PFDN4: variants seen among roughly 807,000 people sequenced by gnomAD.
PFDN4 encodes the protein prefoldin 4.
PFDN4 carries 6 observed loss-of-function variants against 17.6 expected under a neutral mutation model. The ratio of observed to expected loss-of-function variants is 0.34; its 90% CI spans 0.19 to 0.67. The LOEUF (loss-of-function observed/expected upper bound fraction) is 0.67. Ranked by LOEUF, PFDN4 falls within the 30% of genes least tolerant of loss-of-function variation. The pLI, the probability that PFDN4 is intolerant of heterozygous loss-of-function variation, is 0.68. For missense variants in PFDN4, 119 were observed against 158.4 expected (o/e 0.75, Z 1.33); for synonymous variants, 48 against 51.1 (o/e 0.94, Z 0.26).
Position 54,208,504 on chromosome 20 carries a change from T to G in PFDN4, c.24+380T>G, listed in dbSNP as rs192379121. On this transcript the variant is annotated intron_variant, in intron 1 of 3. Transcript: ENST00000371419. ...CCTTGACTCGGGCGTTGCACCGGCA[T>G]GATCGCATTAGCCTCACTGGTTATG... The G allele has an allele frequency of 4.4e-3, 954 of 217,476 alleles. 10 individuals are homozygous for G. Among genetic ancestry groups the G allele is most frequent in the African/African-American group, 0.024 (861 of 35,394 alleles). The allele number at this position is 217,476 out of a possible 1,614,324, so 13.5% of individuals were successfully genotyped here. A position where few individuals can be genotyped will look rare whatever the true frequency, so the allele number is the denominator to read the frequency against.
At chr20:54,215,701 T>C (rs2092761612) in intron 3 of PFDN4, among the ~76,000 whole-genome samples, 1 of 152,248 alleles carries the variant, frequency 6.6e-6, no homozygotes, top group African/African-American at 2.4e-5. Flanking sequence ...GTCTTCTGAC[T>C]CCAGAACCTT....
At chr20:54,209,651 G>C (rs969787309) in intron 1 of PFDN4, among the ~76,000 whole-genome samples, 3 of 152,188 alleles carry the variant, frequency 2.0e-5, no homozygotes, top group African/African-American at 7.2e-5. Context: ...GGTTCACTCC[G>C]TTTTATAGGT....
intron 1 of PFDN4, among the ~76,000 whole-genome samples, chr20:54,212,843 G>A (rs894942390): frequency 1.2e-4 from 18 of 152,380 alleles, no homozygotes; most frequent in South Asian, 4.1e-4. Flanking sequence ...TTTCTTGAGC[G>A]TAGCTCAGTG....
At chr20:54,218,283 GTATC>G (rs2092765337) in intron 3 of PFDN4, among the ~76,000 whole-genome samples, 1 of 150,972 alleles carries the variant, frequency 6.6e-6, no homozygotes, top group African/African-American at 2.4e-5. Flanking sequence ...AAGAGGCTAA[GTATC>G]TATAGATAGG....
Position 54,218,896 on chromosome 20 carries a change from C to CT in PFDN4, c.274-121dup, listed in dbSNP as rs1568677862. Reference sequence around the variant, plus strand: ...CATTTAGATCTAATTATCAGTGTTACTTAGCTGCCTGTCCAAGTTTAGAAG... The same window carrying CT: ...CATTTAGATCTAATTATCAGTGTTACTTTAGCTGCCTGTCCAAGTTTAGAAG... On this transcript the variant is annotated intron_variant, in intron 3 of 3. Coordinates refer to ENST00000371419, the MANE Select transcript of PFDN4 (RefSeq NM_002623.4). 32 of 607,256 alleles carry CT rather than the reference C, an allele frequency of 5.3e-5. No homozygotes were observed. The South Asian group carries it at 7.3e-4, about 14-fold the overall frequency. 37.6% of individuals were successfully genotyped at this position (607,256 alleles called of 1,614,324 possible). A position where few individuals can be genotyped will look rare whatever the true frequency, so the allele number is the denominator to read the frequency against.
intron 3 of PFDN4, among the ~76,000 whole-genome samples, chr20:54,217,273 C>G (rs1470921389): frequency 6.9e-6 from 1 of 145,860 alleles, no homozygotes; most frequent in Non-Finnish European, 1.5e-5. Context: ...GGCTATTAGC[C>G]AGAAAGGGGC....
At chr20:54,218,148 T>C (rs2040733762) in intron 3 of PFDN4, among the ~76,000 whole-genome samples, 1 of 151,784 alleles carries the variant, frequency 6.6e-6, no homozygotes, top group African/African-American at 2.4e-5. Flanking sequence ...AAAATTGTTT[T>C]GATCCTAGCC....
chr20:54,213,409 TCACA>T (rs1200435456), intron 1 of PFDN4, among the ~76,000 whole-genome samples: 6 of 151,666 alleles, frequency 4.0e-5, no homozygotes, highest in Admixed American at 1.3e-4. Context: ...GTGTACACAC[TCACA>T]CACACACGTG....
chr20:54,212,210 A>AG (rs1379100419), intron 1 of PFDN4, among the ~76,000 whole-genome samples: 2 of 148,002 alleles, frequency 1.4e-5, no homozygotes, highest in Admixed American at 6.7e-5. Flanking sequence ...AAAAAAAAAA[A>AG]TTACCCACTT....
At chr20:54,211,278 T>A (rs962321904) in intron 1 of PFDN4, among the ~76,000 whole-genome samples, 3 of 152,206 alleles carry the variant, frequency 2.0e-5, no homozygotes, top group African/African-American at 7.2e-5. Flanking sequence ...TGAGTATGGT[T>A]CAGTTTCCTC....
At chr20:54,218,567 G>C (rs919358103) in intron 3 of PFDN4, among the ~76,000 whole-genome samples, 6 of 152,130 alleles carry the variant, frequency 3.9e-5, no homozygotes, top group Non-Finnish European at 7.4e-5. Flanking sequence ...CTCAAAGTTA[G>C]TGAAAATTTC....
intron 1 of PFDN4, among the ~76,000 whole-genome samples, chr20:54,209,650 C>T (rs1450540136): frequency 6.6e-6 from 1 of 152,128 alleles, no homozygotes; most frequent in Admixed American, 6.5e-5. Flanking sequence ...TGGTTCACTC[C>T]GTTTTATAGG....
chr20:54,214,815 A>C (rs554062608), intron 2 of PFDN4, among the ~76,000 whole-genome samples: 2 of 152,274 alleles, frequency 1.3e-5, no homozygotes, highest in East Asian at 3.9e-4. Flanking sequence ...CTACCCCAGT[A>C]AATCTGGGGC....
At chr20:54,210,796 C>T (rs1481169387) in intron 1 of PFDN4, among the ~76,000 whole-genome samples, 1 of 152,162 alleles carries the variant, frequency 6.6e-6, no homozygotes, top group African/African-American at 2.4e-5. Context: ...TTGTTTTTTG[C>T]TCTCTTCCTC....
intron 1 of PFDN4, among the ~76,000 whole-genome samples, chr20:54,209,192 G>A (rs1418925): frequency 0.55 from 83,561 of 152,048 alleles, 23,468 homozygotes; most frequent in African/African-American, 0.67. Flanking sequence ...GAAAACAGGC[G>A]CGGAGGCAAA....
intron 1 of PFDN4, among the ~76,000 whole-genome samples, chr20:54,210,588 A>G (rs566506345): frequency 1.3e-5 from 2 of 151,878 alleles, no homozygotes; most frequent in African/African-American, 4.8e-5. Context: ...TCTAAGATCC[A>G]GTTCTTGACC....
chr20:54,208,192 C>T (rs1601171997), intron 1 of PFDN4, 68 bp downstream of exon 1: 1 of 1,417,620 alleles, frequency 7.1e-7, no homozygotes. Flanking sequence ...GGCCCGGGCG[C>T]GGGATGCTGG....
Position 54,219,028 on chromosome 20 carries a change from C to T in PFDN4, c.283C>T (p.Gln95Ter). The change falls in exon 4 of 4, where the codon CAA becomes TAA. Residue 95 changes from glutamine (Q) to a stop codon, truncating the protein, a stop_gained. Coordinates refer to ENST00000371419, the MANE Select transcript of PFDN4 (RefSeq NM_002623.4). LOFTEE classifies it high-confidence loss of function. The part of the protein sequence containing the change: ...EMLEEAKKNL[Q>*]EEIDALESRV... ...AATATTTTTTTTCCAGAAAAATTTG[C>T]AAGAAGAAATTGACGCCTTAGAATC... 1.3e-6 allele frequency: 2 copies of T among 1,528,190 alleles called. No homozygotes were observed. Among genetic ancestry groups the T allele is most frequent in the Admixed American group, 2.1e-5 (1 of 48,014 alleles). The allele number at this position is 1,528,190 out of a possible 1,614,324, so 94.7% of individuals were successfully genotyped here. A position where few individuals can be genotyped will look rare whatever the true frequency, so the allele number is the denominator to read the frequency against.
intron 3 of PFDN4, 93 bp downstream of exon 3, chr20:54,215,533 C>A: frequency 1.3e-6 from 1 of 760,318 alleles, no homozygotes; most frequent in Non-Finnish European, 2.1e-6. Context: ...CTAGCTATAG[C>A]TAATATTTAC....
Sources: allele counts gnomAD v4.1 joint callset (sites outside exome capture counted in the v4.1 genomes callset), GRCh38; gene constraint gnomAD v4.1.1; transcripts MANE v1.5; gene names NCBI Gene and HGNC (gene_info 2026-07-23, HGNC 2026-07-21).